Variants in WFIKKN2 observed in about 807,000 individuals in gnomAD.
WFIKKN2 encodes WAP, Kazal, immunoglobulin, Kunitz and NTR domain-containing protein 2.
Under a neutral mutation model 39.2 loss-of-function variants are expected in WFIKKN2, and 25 were observed. The observed-to-expected ratio is 0.64, with a 90% CI of 0.47 to 0.89. The LOEUF is 0.89. Ranked by LOEUF, WFIKKN2 falls within the 40% of genes least tolerant of loss-of-function variation. The probability of loss-of-function intolerance (pLI) is 0.00; values close to 1 mark genes in which losing one functional copy is unlikely to be tolerated. For synonymous variants in WFIKKN2, 345 were observed against 329.7 expected (o/e 1.05, Z -0.50); for missense variants, 770 against 811.7 (o/e 0.95, Z 0.62).
Position 50,840,738 on chromosome 17 carries a change from A to G in WFIKKN2, c.1450A>G (p.Thr484Ala). 6.2e-7 allele frequency: 1 copy of G among 1,613,982 alleles called. No homozygotes were observed. Among genetic ancestry groups the G allele is most frequent in the Non-Finnish European group, 8.5e-7 (1 of 1,180,012 alleles). ...EEPDSGRALV[T>A]VDEVLKDEKM... Reference sequence around the variant, plus strand: ...GCCTGACTCGGGCCGCGCCCTGGTGACTGTGGATGAGGTCCTAAAGGATGA... The same window carrying G: ...GCCTGACTCGGGCCGCGCCCTGGTGGCTGTGGATGAGGTCCTAAAGGATGA... Residue 484 changes from threonine (T) to alanine (A), a missense_variant, in exon 2 of 2, where the codon ACT becomes GCT. Physicochemically the swap from Thr to Ala is moderately conservative, Grantham distance 58. Transcript: ENST00000311378.
intron 1 of WFIKKN2, among the ~76,000 whole-genome samples, chr17:50,836,400 A>G (rs1971959183): frequency 6.7e-6 from 1 of 150,252 alleles, no homozygotes; most frequent in South Asian, 2.1e-4. Context: ...TGTGAGATGG[A>G]CCAGGTGAGT....
In WFIKKN2 at chr17:50,840,421, G is replaced by A. The variant is rs748083417; in HGVS notation, c.1133G>A (p.Cys378Tyr). 28 of 1,613,880 alleles carry A rather than the reference G, an allele frequency of 1.7e-5. No homozygotes were observed. Among genetic ancestry groups the A allele is most frequent in the Non-Finnish European group, 2.3e-5 (27 of 1,179,976 alleles). The stretch of plus-strand genomic sequence containing the variant: ...ACCTATGAGGCCTGCATGCTGGCCT[G>A]CATGAGCGGGCCGCTGGCCGCGTGC... ...FETYEACMLA[C>Y]MSGPLAACSL... The change falls in exon 2 of 2, where the codon TGC (cysteine) becomes TAC (tyrosine). Residue 378 changes from cysteine to tyrosine, a missense_variant. Physicochemically the swap from Cys to Tyr is radical, Grantham distance 194. Coordinates refer to ENST00000311378, the MANE Select transcript of WFIKKN2 (RefSeq NM_175575.6).
chr17:50,834,731 CG>C (rs1185384218), upstream of WFIKKN2: 1 of 152,288 alleles, frequency 6.6e-6, no homozygotes, highest in Admixed American at 6.5e-5. Flanking sequence ...AGAAGCCACA[CG>C]TGTGAAGAGC....
In WFIKKN2 at chr17:50,836,057, T is replaced by C. The variant is rs759516987; in HGVS notation, c.120T>C (p.Tyr40=). 1 of 1,606,448 alleles carries C rather than the reference T, an allele frequency of 6.2e-7. No individual in the cohort carries two copies. Among genetic ancestry groups the C allele is most frequent in the South Asian group, 1.1e-5 (1 of 89,924 alleles). ...PRSLALPPIR[Y]SHAGICPNDM... The stretch of plus-strand genomic sequence containing the variant: ...GCCTGGCGCTGCCGCCCATCCGCTA[T>C]TCCCACGCCGGCATCTGCCCCAACG... The change falls in exon 1 of 2, where the codon TAT becomes TAC. Residue 40 remains tyrosine, a synonymous_variant. Coordinates refer to ENST00000311378, the MANE Select transcript of WFIKKN2 (RefSeq NM_175575.6).
Position 50,840,708 on chromosome 17 carries a change from G to T in WFIKKN2, c.1420G>T (p.Glu474Ter). The T allele has an allele frequency of 6.2e-7, 1 of 1,613,954 alleles. No homozygotes were observed. Among genetic ancestry groups the T allele is most frequent in the Non-Finnish European group, 8.5e-7 (1 of 1,180,014 alleles). The part of the protein sequence containing the change: ...VILGRVSELT[E>*]EPDSGRALVT... ...CCTGGGCCGAGTCTCTGAGCTGACC[G>T]AGGAGCCTGACTCGGGCCGCGCCCT... is the stretch of plus-strand genomic sequence containing the variant. The change falls in exon 2 of 2, where the codon GAG becomes TAG. Residue 474 changes from glutamate to a stop codon, truncating the protein, a stop_gained. Coordinates refer to ENST00000311378, the MANE Select transcript of WFIKKN2 (RefSeq NM_175575.6). LOFTEE classifies it high-confidence loss of function.
chr17:50,839,531 C>T lies in WFIKKN2; in HGVS notation c.243C>T (p.Asn81=), dbSNP rs542531885. The change falls in exon 2 of 2, where the codon AAC becomes AAT. Residue 81 remains asparagine, a synonymous_variant. Coordinates refer to ENST00000311378, the MANE Select transcript of WFIKKN2 (RefSeq NM_175575.6). ...ECETYEKCCP[N]VCGTKSCVAA... ...AGACCTATGAGAAGTGCTGCCCCAA[C>T]GTATGTGGGACCAAGAGCTGCGTGG... is the stretch of plus-strand genomic sequence containing the variant. 9.9e-6 allele frequency: 16 copies of T among 1,613,894 alleles called. No homozygotes were observed. In the South Asian group the frequency reaches 1.2e-4, roughly 12 times the overall value.
chr17:50,840,868 T>G lies in WFIKKN2; in HGVS notation c.1580T>G (p.Leu527Arg), dbSNP rs762684778. Residue 527 changes from leucine to arginine, a missense_variant, in exon 2 of 2, where the codon CTC (leucine) becomes CGC (arginine). Coordinates refer to ENST00000311378, the MANE Select transcript of WFIKKN2 (RefSeq NM_175575.6). ...AACGTGACCGTGAGCGAGATGCCGC[T>G]CATCATCATGGGGGAGGTGGACGGC... is the stretch of plus-strand genomic sequence containing the variant. ...CPNVTVSEMPLIIMGEVDGGM... is the reference protein window; with the variant it reads ...CPNVTVSEMPRIIMGEVDGGM... 3.2e-5 allele frequency: 52 copies of G among 1,610,178 alleles called. No individual in the cohort carries two copies. Among genetic ancestry groups the G allele is most frequent in the African/African-American group, 1.2e-4 (9 of 74,816 alleles).
At chr17:50,836,399 G>A (rs1971959149) in intron 1 of WFIKKN2, among the ~76,000 whole-genome samples, 1 of 151,892 alleles carries the variant, frequency 6.6e-6, no homozygotes, top group Non-Finnish European at 1.5e-5. Context: ...ATGTGAGATG[G>A]ACCAGGTGAG....
Position 50,839,517 on chromosome 17 carries a change from A to C in WFIKKN2, c.229A>C (p.Lys77Gln), listed in dbSNP as rs1597981231. 5 of 1,613,464 alleles carry C rather than the reference A, an allele frequency of 3.1e-6. No individual in the cohort carries two copies. The Middle Eastern group carries it at 6.6e-4, about 213-fold the overall frequency. Reference sequence around the variant, plus strand: ...CTTTCAGGAGTGTGAGACCTATGAGAAGTGCTGCCCCAACGTATGTGGGAC... The same window carrying C: ...CTTTCAGGAGTGTGAGACCTATGAGCAGTGCTGCCCCAACGTATGTGGGAC... The part of the protein sequence containing the change: ...ETDQECETYE[K>Q]CCPNVCGTKS... Residue 77 changes from lysine (K) to glutamine (Q), a missense_variant, in exon 2 of 2, where the codon AAG (lysine) becomes CAG (glutamine). By Grantham distance (53) the Lys-to-Gln change is moderately conservative. Transcript: ENST00000311378.
At chr17:50,836,993 G>A (rs1971968363) in intron 1 of WFIKKN2, among the ~76,000 whole-genome samples, 1 of 152,228 alleles carries the variant, frequency 6.6e-6, no homozygotes. Context: ...TGGGAGCGAT[G>A]TCCCAGTTCA....
intron 1 of WFIKKN2, among the ~76,000 whole-genome samples, chr17:50,838,680 G>T (rs1039322776): frequency 3.3e-5 from 5 of 152,174 alleles, no homozygotes; most frequent in Non-Finnish European, 4.4e-5. Flanking sequence ...TTTTTTTCTT[G>T]TTGCTTTTCC....
At position 50,841,126 on chromosome 17, in the gene WFIKKN2, G is replaced by C; in HGVS notation, c.*107G>C. On this transcript the variant is annotated 3_prime_UTR_variant, in exon 2 of 2. Coordinates refer to ENST00000311378, the MANE Select transcript of WFIKKN2 (RefSeq NM_175575.6). ...AGATTAGACAGGCTTGGGACAGCAGGGAAACATCAACCGACGTGTCACAGA... is the reference window on the plus strand; with the variant it reads ...AGATTAGACAGGCTTGGGACAGCAGCGAAACATCAACCGACGTGTCACAGA... The C allele has an allele frequency of 1.7e-6, 2 of 1,185,256 alleles. No individual in the cohort carries two copies. Among genetic ancestry groups the C allele is most frequent in the Non-Finnish European group, 2.3e-6 (2 of 871,666 alleles). 73.4% of individuals were successfully genotyped at this position (1,185,256 alleles called of 1,614,324 possible).
At position 50,840,619 on chromosome 17, in the gene WFIKKN2, G is replaced by A. The variant is rs368687044; in HGVS notation, c.1331G>A (p.Arg444His). ...TGCCCCTTCCCCAGGGGGAACCAGC[G>A]CTGTCGGGCCTGCAAGCCTCGGCAG... ...ESCPFPRGNQ[R>H]CRACKPRQKL... The change falls in exon 2 of 2, where the codon CGC becomes CAC. Residue 444 changes from arginine (R) to histidine (H), a missense_variant. Coordinates refer to ENST00000311378, the MANE Select transcript of WFIKKN2 (RefSeq NM_175575.6). 15 of 1,613,900 alleles carry A rather than the reference G, an allele frequency of 9.3e-6. No individual in the cohort carries two copies. Among genetic ancestry groups the A allele is most frequent in the Middle Eastern group, 1.6e-4 (1 of 6,082 alleles).
rs368333058 is a variant in WFIKKN2 at position 50,840,375 on chromosome 17, C to T, written c.1087C>T (p.Arg363Cys). ...CLTFTFGHCH[R>C]NLNHFETYEA... Reference sequence around the variant, plus strand: ...GACCTTCACCTTCGGCCACTGCCACCGTAACCTCAACCACTTTGAGACCTA... The same window carrying T: ...GACCTTCACCTTCGGCCACTGCCACTGTAACCTCAACCACTTTGAGACCTA... Residue 363 changes from arginine to cysteine, a missense_variant, in exon 2 of 2, where the codon CGT becomes TGT. Physicochemically the swap from Arg to Cys is radical, Grantham distance 180 (BLOSUM62 -3). Transcript: ENST00000311378. 3.1e-6 allele frequency: 5 copies of T among 1,614,024 alleles called. No individual in the cohort carries two copies. In the African/African-American group the frequency reaches 4.0e-5, roughly 13 times the overall value.
Position 50,841,499 on chromosome 17 carries a change from G to A in WFIKKN2, c.*480G>A, listed in dbSNP as rs1049589939. The A allele has an allele frequency of 7.8e-5, 12 of 154,502 alleles. No individual in the cohort carries two copies. The highest frequency in any genetic ancestry group is 2.4e-4 in the African/African-American group (10 of 41,468). 9.6% of individuals were successfully genotyped at this position (154,502 alleles called of 1,614,324 possible). Reference sequence around the variant, plus strand: ...TTCCCACAGCCTCCTCGATTGCTGTGAGCAGAGGCCACTCGGAGTTAGGGG... The same window carrying A: ...TTCCCACAGCCTCCTCGATTGCTGTAAGCAGAGGCCACTCGGAGTTAGGGG... On this transcript the variant is annotated 3_prime_UTR_variant, in exon 2 of 2. Coordinates refer to ENST00000311378, the MANE Select transcript of WFIKKN2 (RefSeq NM_175575.6).
chr17:50,840,092 C>T lies in WFIKKN2; in HGVS notation c.804C>T (p.Asn268=), dbSNP rs1597981766. The change falls in exon 2 of 2, where the codon AAC becomes AAT. Residue 268 remains asparagine, a synonymous_variant. Coordinates refer to ENST00000311378, the MANE Select transcript of WFIKKN2 (RefSeq NM_175575.6). ...NHVRGNVVVT[N]IAQLVIYNAQ... ...TGCGTGGCAACGTGGTGGTCACCAA[C>T]ATTGCCCAGCTGGTCATCTATAACG... 2 of 1,614,242 alleles carry T rather than the reference C, an allele frequency of 1.2e-6. No homozygotes were observed. The highest frequency in any genetic ancestry group is 2.2e-5 in the East Asian group (1 of 44,888).
At position 50,841,160 on chromosome 17, in the gene WFIKKN2, CAGA is replaced by C. The variant is rs1972041380; in HGVS notation, c.*144_*146del. On this transcript the variant is annotated 3_prime_UTR_variant, in exon 2 of 2. Coordinates refer to ENST00000311378, the MANE Select transcript of WFIKKN2 (RefSeq NM_175575.6). Reference sequence around the variant, plus strand: ...AACCGACGTGTCACAGAAAAAGCCACAGAAGGTCTCAGATCAGCATCTATTCTT... The same window carrying C: ...AACCGACGTGTCACAGAAAAAGCCACAGGTCTCAGATCAGCATCTATTCTT... 4 of 797,390 alleles carry C rather than the reference CAGA, an allele frequency of 5.0e-6. No individual in the cohort carries two copies. Among genetic ancestry groups the C allele is most frequent in the Non-Finnish European group, 5.7e-6 (3 of 525,478 alleles). The allele number at this position is 797,390 out of a possible 1,614,324, so 49.4% of individuals were successfully genotyped here. A position where few individuals can be genotyped will look rare whatever the true frequency, so the allele number is the denominator to read the frequency against.
At position 50,835,804 on chromosome 17, in the gene WFIKKN2, TGA is replaced by T; in HGVS notation, c.-132_-131del. 1 of 972,514 alleles carries T rather than the reference TGA, an allele frequency of 1.0e-6. No individual in the cohort carries two copies. Among genetic ancestry groups the T allele is most frequent in the East Asian group, 2.6e-5 (1 of 37,958 alleles). 60.2% of individuals were successfully genotyped at this position (972,514 alleles called of 1,614,324 possible). A position where few individuals can be genotyped will look rare whatever the true frequency, so the allele number is the denominator to read the frequency against. ...TGGAGGCAGCAGCGGCAGAGCAGCC[TGA>T]GCAGCAGCCTGAGCAGGAAACCTGC... On this transcript the variant is annotated 5_prime_UTR_variant, in exon 1 of 2. Coordinates refer to ENST00000311378, the MANE Select transcript of WFIKKN2 (RefSeq NM_175575.6).
chr17:50,837,859 C>G (rs1485575028), intron 1 of WFIKKN2, among the ~76,000 whole-genome samples: 1 of 152,218 alleles, frequency 6.6e-6, no homozygotes, highest in African/African-American at 2.4e-5. Flanking sequence ...ACAGGCTGGC[C>G]TGATTAACCA....
Sources: allele counts gnomAD v4.1 joint callset (sites outside exome capture counted in the v4.1 genomes callset), GRCh38; gene constraint gnomAD v4.1.1; transcripts MANE v1.5; gene names NCBI Gene and HGNC (gene_info 2026-07-23, HGNC 2026-07-21).